Variants in XYLT1 observed in about 807,000 individuals in gnomAD.
XYLT1 encodes xylosyltransferase 1, also known as beta-D-xylosyltransferase 1.
Under a neutral mutation model 91.3 loss-of-function variants are expected in XYLT1, and 36 were observed. That is an observed-to-expected ratio of 0.39 (90% CI 0.30 to 0.52). The LOEUF is 0.52. XYLT1 is among the 20% of genes least tolerant of loss of function. The pLI is 0.68. For synonymous variants in XYLT1, 588 were observed against 532.0 expected, an observed-to-expected ratio of 1.11 and a Z score of -1.45; for missense variants, 1,242 against 1,284.5, an observed-to-expected ratio of 0.97 and a Z score of 0.51.
intron 2 of XYLT1, among the ~76,000 whole-genome samples, chr16:17,320,748 G>A (rs376244578): frequency 2.6e-5 from 4 of 151,362 alleles, no homozygotes; most frequent in Admixed American, 6.6e-5. Context: ...CCAAAGTGCT[G>A]GGATTACAGG....
intron 3 of XYLT1, among the ~76,000 whole-genome samples, chr16:17,238,234 C>T (rs1425944507): frequency 6.6e-6 from 1 of 152,220 alleles, no homozygotes; most frequent in Non-Finnish European, 1.5e-5. Context: ...TGTTCAAATA[C>T]ACACAGGAAA....
intron 3 of XYLT1, among the ~76,000 whole-genome samples, chr16:17,243,784 T>A (rs1260195671): frequency 1.3e-5 from 2 of 152,080 alleles, no homozygotes; most frequent in Non-Finnish European, 1.5e-5. Context: ...CAAAGGGTCA[T>A]CAAGGGCTGA....
chr16:17,193,321 C>G (rs964081327), intron 5 of XYLT1: 2 of 152,174 alleles, frequency 1.3e-5, no homozygotes, highest in Non-Finnish European at 2.9e-5. Flanking sequence ...TAAGAACCCT[C>G]CGAAATAGGC....
At chr16:17,345,175 G>C (rs1461945788) in intron 2 of XYLT1, among the ~76,000 whole-genome samples, 4 of 152,182 alleles carry the variant, frequency 2.6e-5, no homozygotes, top group Non-Finnish European at 5.9e-5. Context: ...TCGTCATCCA[G>C]GCAGTTCTGG....
At chr16:17,278,837 G>GA (rs1372143988) in intron 2 of XYLT1, among the ~76,000 whole-genome samples, 1 of 152,196 alleles carries the variant, frequency 6.6e-6, no homozygotes, top group African/African-American at 2.4e-5. Context: ...GTCTGATTCT[G>GA]AAGCTTGTAC....
chr16:17,351,316 C>T (rs553734784), intron 2 of XYLT1, among the ~76,000 whole-genome samples: 1 of 152,186 alleles, frequency 6.6e-6, no homozygotes, highest in East Asian at 1.9e-4. Flanking sequence ...AGTTCGAGAA[C>T]AGCCTGGCCG....
intron 2 of XYLT1, among the ~76,000 whole-genome samples, chr16:17,297,440 G>T (rs1421776863): frequency 6.6e-6 from 1 of 152,022 alleles, no homozygotes. Flanking sequence ...ACTTAGCTGG[G>T]TATCATGGAG....
chr16:17,392,345 T>C (rs2035830266), intron 1 of XYLT1, among the ~76,000 whole-genome samples: 1 of 152,182 alleles, frequency 6.6e-6, no homozygotes, highest in Admixed American at 6.5e-5. Flanking sequence ...TCACATGGCT[T>C]CCTGGTCGTT....
At chr16:17,403,516 C>A (rs2035993556) in intron 1 of XYLT1, 1 of 152,234 alleles carries the variant, frequency 6.6e-6, no homozygotes, top group Non-Finnish European at 1.5e-5. Flanking sequence ...TGGCAACAAA[C>A]AAGAGAGAAT....
intron 7 of XYLT1, 188 bp from the exon 8 acceptor site, chr16:17,138,719 T>A: frequency 1.7e-6 from 1 of 574,644 alleles, no homozygotes; most frequent in Non-Finnish European, 3.0e-6. Context: ...TAAACCTCTT[T>A]TCTTTATAAA....
At chr16:17,125,808 A>C (rs928953462) in intron 10 of XYLT1, among the ~76,000 whole-genome samples, 3 of 152,148 alleles carry the variant, frequency 2.0e-5, no homozygotes, top group African/African-American at 7.2e-5. Context: ...CCATGACCAC[A>C]GGGGCCTGGT....
At chr16:17,168,454 G>A (rs576781214) in intron 5 of XYLT1, among the ~76,000 whole-genome samples, 1 of 151,964 alleles carries the variant, frequency 6.6e-6, no homozygotes, top group South Asian at 2.1e-4. Context: ...AAGAGGAGGA[G>A]GGCAAAGGCT....
At chr16:17,271,756 C>A (rs2033898522) in intron 2 of XYLT1, among the ~76,000 whole-genome samples, 1 of 152,130 alleles carries the variant, frequency 6.6e-6, no homozygotes, top group Admixed American at 6.5e-5. Context: ...CCTTCCCACC[C>A]CCGACCCCTG....
At chr16:17,332,559 CACACACAT>C (rs2034913737) in intron 2 of XYLT1, among the ~76,000 whole-genome samples, 3 of 84,118 alleles carry the variant, frequency 3.6e-5, no homozygotes, top group African/African-American at 1.3e-4. Context: ...CAGAGTCCAT[CACACACAT>C]ACACACACAC....
intron 1 of XYLT1, among the ~76,000 whole-genome samples, chr16:17,389,917 G>A (rs893268928): frequency 1.1e-4 from 17 of 152,140 alleles, no homozygotes; most frequent in Admixed American, 8.5e-4. Flanking sequence ...AATTCATTTA[G>A]AGCCTGAAGT....
At chr16:17,439,657 G>T (rs1449928463) in intron 1 of XYLT1, among the ~76,000 whole-genome samples, 1 of 152,216 alleles carries the variant, frequency 6.6e-6, no homozygotes, top group Non-Finnish European at 1.5e-5. Flanking sequence ...AAACACTGTA[G>T]TAGTAGGTTC....
intron 9 of XYLT1, among the ~76,000 whole-genome samples, chr16:17,130,199 G>A (rs2030417655): frequency 6.6e-6 from 1 of 152,256 alleles, no homozygotes; most frequent in African/African-American, 2.4e-5. Flanking sequence ...GCAGTTGGCT[G>A]CAGATAGGGG....
intron 4 of XYLT1, among the ~76,000 whole-genome samples, chr16:17,199,567 T>C (rs142743298): frequency 6.4e-4 from 97 of 152,298 alleles, no homozygotes; most frequent in African/African-American, 2.3e-3. Flanking sequence ...TCCCACGTGT[T>C]ATGGGAGGGA....
intron 1 of XYLT1, among the ~76,000 whole-genome samples, chr16:17,411,887 ACT>A (rs1275878042): frequency 2.0e-5 from 3 of 152,106 alleles, no homozygotes; most frequent in Non-Finnish European, 4.4e-5. Context: ...TCAGCTGCTA[ACT>A]CTCAAATTCT....
Sources: allele counts gnomAD v4.1 joint callset (sites outside exome capture counted in the v4.1 genomes callset), GRCh38; gene constraint gnomAD v4.1.1; transcripts MANE v1.5; gene names NCBI Gene and HGNC (gene_info 2026-07-23, HGNC 2026-07-21).